The following AGFG1 variants were observed in gnomAD, a reference collection of about 807,000 sequenced individuals.
AGFG1 encodes ArfGAP with FG repeats 1, also known as arf-GAP domain and FG repeat-containing protein 1.
AGFG1 carries 10 observed loss-of-function variants against 60.6 expected under a neutral mutation model. That is an observed-to-expected ratio of 0.16 (90% confidence interval 0.10 to 0.28). The LOEUF is 0.28. Ranked by LOEUF, AGFG1 falls within the 10% of genes least tolerant of loss-of-function variation. The pLI is 1.00. For synonymous variants in AGFG1, 247 were observed against 242.9 expected (o/e 1.02, Z -0.16); for missense variants, 537 against 676.5 (o/e 0.79, Z 2.29).
chr2:227,485,125 T>G (rs1211610210), intron 1 of AGFG1, among the ~76,000 whole-genome samples: 1 of 152,180 alleles, frequency 6.6e-6, no homozygotes, highest in African/African-American at 2.4e-5. Flanking sequence ...GAAGATAATA[T>G]TCCATGGTCT....
chr2:227,547,911 A>G (rs921373298), intron 10 of AGFG1, among the ~76,000 whole-genome samples: 24 of 152,374 alleles, frequency 1.6e-4, no homozygotes, highest in African/African-American at 5.5e-4. Context: ...TACCATCAGT[A>G]TTTATCATCG....
At chr2:227,526,232 T>G (rs764434818) in intron 5 of AGFG1, among the ~76,000 whole-genome samples, 6 of 152,022 alleles carry the variant, frequency 3.9e-5, no homozygotes, top group Non-Finnish European at 5.9e-5. Context: ...GGAGTCTCGC[T>G]CTCTCGCCGA....
At chr2:227,490,348 G>C (rs1475361421) in intron 1 of AGFG1, among the ~76,000 whole-genome samples, 1 of 152,146 alleles carries the variant, frequency 6.6e-6, no homozygotes, top group African/African-American at 2.4e-5. Context: ...GGAGGCCGAG[G>C]CAGGTGGATC....
intron 5 of AGFG1, among the ~76,000 whole-genome samples, chr2:227,529,542 T>TA (rs1692099866): frequency 6.6e-6 from 1 of 152,156 alleles, no homozygotes; most frequent in Admixed American, 6.6e-5. Flanking sequence ...GGCTGAGGTA[T>TA]AGTATTTGTG....
intron 2 of AGFG1, among the ~76,000 whole-genome samples, chr2:227,511,095 T>C (rs781780463): frequency 3.9e-5 from 6 of 152,198 alleles, no homozygotes; most frequent in African/African-American, 7.2e-5. Context: ...GTATGTATAA[T>C]AAATTGGCTC....
chr2:227,512,574 G>A (rs1464033883), intron 2 of AGFG1, among the ~76,000 whole-genome samples: 2 of 152,012 alleles, frequency 1.3e-5, no homozygotes, highest in East Asian at 1.9e-4. Context: ...TTTCTCCCTC[G>A]TTTATTCCTT....
intron 1 of AGFG1, among the ~76,000 whole-genome samples, chr2:227,478,490 C>CGTGCCACCATGCCCAGCT (rs1690357771): frequency 6.6e-6 from 1 of 151,712 alleles, no homozygotes; most frequent in Non-Finnish European, 1.5e-5. Flanking sequence ...ACTACAGGCG[C>CGTGCCACCATGCCCAGCT]GTGCCACCAT....
intron 12 of AGFG1, among the ~76,000 whole-genome samples, 169 bp from the exon 13 acceptor site, chr2:227,554,267 G>A (rs1203040027): frequency 6.6e-6 from 1 of 152,124 alleles, no homozygotes; most frequent in Non-Finnish European, 1.5e-5. Context: ...ATGACACATA[G>A]TAGTTTGATA....
intron 10 of AGFG1, among the ~76,000 whole-genome samples, chr2:227,538,644 T>G (rs1692383744): frequency 6.6e-6 from 1 of 152,218 alleles, no homozygotes; most frequent in Admixed American, 6.5e-5. Flanking sequence ...GATGCACATT[T>G]ACCCTGTATG....
At chr2:227,553,851 T>A in intron 12 of AGFG1, 56 bp downstream of exon 12, 1 of 1,306,426 alleles carries the variant, frequency 7.7e-7, no homozygotes, top group Non-Finnish European at 1.1e-6. Flanking sequence ...ATTTTAAAAT[T>A]AGGAATAGCA....
At chr2:227,472,678 A>G (rs975285348) in intron 1 of AGFG1, 90 bp downstream of exon 1, 4 of 1,392,164 alleles carry the variant, frequency 2.9e-6, no homozygotes, top group African/African-American at 1.5e-5. Flanking sequence ...GGGCTGGGAA[A>G]GAGCCGGGTG....
intron 11 of AGFG1, among the ~76,000 whole-genome samples, chr2:227,552,442 G>T (rs1692847795): frequency 6.6e-6 from 1 of 152,054 alleles, no homozygotes; most frequent in South Asian, 2.1e-4. Context: ...AGAATTTATA[G>T]ACCTAGAATG....
At chr2:227,492,074 A>G (rs976627608) in intron 2 of AGFG1, among the ~76,000 whole-genome samples, 1 of 151,956 alleles carries the variant, frequency 6.6e-6, no homozygotes, top group Non-Finnish European at 1.5e-5. Context: ...GTGATGTGTA[A>G]TGTTTAGCAG....
chr2:227,472,664 T>C, intron 1 of AGFG1, 76 bp downstream of exon 1: 1 of 1,459,458 alleles, frequency 6.9e-7, no homozygotes, highest in Non-Finnish European at 9.1e-7. Flanking sequence ...CCGGGACCCT[T>C]CCGGGGCTGG....
intron 1 of AGFG1, among the ~76,000 whole-genome samples, chr2:227,480,621 A>G (rs1281020200): frequency 1.3e-5 from 2 of 150,254 alleles, no homozygotes; most frequent in East Asian, 3.9e-4. Flanking sequence ...GTTTCTGGGT[A>G]CTTTTATAAT....
chr2:227,552,230 C>A, intron 11 of AGFG1, 113 bp downstream of exon 11: 1 of 1,241,024 alleles, frequency 8.1e-7, no homozygotes, highest in Non-Finnish European at 1.1e-6. Flanking sequence ...GTATTATCTA[C>A]TGAGTGTTTA....
rs1247099636 is a variant in AGFG1, at chr2:227,472,338, A to G, written c.-84A>G. The G allele has an allele frequency of 1.1e-6, 1 of 889,878 alleles. No individual in the cohort carries two copies. Among genetic ancestry groups the G allele is most frequent in the African/African-American group, 1.8e-5 (1 of 54,906 alleles). 55.1% of individuals were successfully genotyped at this position (889,878 alleles called of 1,614,324 possible). On this transcript the variant is annotated 5_prime_UTR_variant, in exon 1 of 13. Transcript: ENST00000310078. ...CAGACGGAGGGCGGCGGCCGCGGCC[A>G]GGGCGGCCCGTGGGACCGCGGGCCC...
intron 1 of AGFG1, among the ~76,000 whole-genome samples, chr2:227,479,556 A>T (rs777702778): frequency 4.6e-5 from 7 of 152,062 alleles, no homozygotes; most frequent in Non-Finnish European, 1.0e-4. Context: ...AAATCTCCTT[A>T]TTTGATATTT....
intron 2 of AGFG1, among the ~76,000 whole-genome samples, chr2:227,506,424 GGGATTTA>G (rs1436280234): frequency 2.6e-5 from 4 of 151,986 alleles, no homozygotes; most frequent in Non-Finnish European, 1.5e-5. Context: ...TCTCTCTTCT[GGGATTTA>G]GCCCTCACTT....
Sources: gnomAD v4.1 joint callset for allele counts (sites outside exome capture counted in the v4.1 genomes callset) on GRCh38, gnomAD v4.1.1 for gene constraint, MANE v1.5 for transcripts, NCBI Gene and HGNC (gene_info 2026-07-23, HGNC 2026-07-21) for gene names.